DLG2: variants seen among roughly 807,000 people sequenced by gnomAD.
DLG2 encodes the protein discs large MAGUK scaffold protein 2, also known as disks large homolog 2.
In DLG2, 45 loss-of-function variants were observed where a neutral mutation model predicts 132.5. The observed-to-expected ratio is 0.34, with a 90% confidence interval of 0.27 to 0.44. The LOEUF is 0.44. DLG2 is among the 20% of genes least tolerant of loss of function. DLG2 has a pLI of 1.00. For missense variants in DLG2, 1,045 were observed against 1,196.9 expected (o/e 0.87, Z 1.87); for synonymous variants, 424 against 419.6 (o/e 1.01, Z -0.13).
chr11:84,828,198 A>T (rs2078585763), intron 6 of DLG2, among the ~76,000 whole-genome samples: 1 of 151,808 alleles, frequency 6.6e-6, no homozygotes. Context: ...AAGTGTCATT[A>T]GGTAAAACAG....
intron 11 of DLG2, among the ~76,000 whole-genome samples, chr11:84,052,422 C>T (rs549952405): frequency 6.6e-5 from 10 of 151,424 alleles, no homozygotes; most frequent in Admixed American, 2.6e-4. Flanking sequence ...TTTAAAGGAC[C>T]TCCCCCAAAT....
intron 6 of DLG2, among the ~76,000 whole-genome samples, chr11:84,894,761 G>A (rs1428406051): frequency 6.6e-6 from 1 of 152,116 alleles, no homozygotes; most frequent in Non-Finnish European, 1.5e-5. Context: ...TGCCTACTGG[G>A]ATAGAGATGG....
At chr11:83,941,317 T>A (rs534605174) in intron 14 of DLG2, among the ~76,000 whole-genome samples, 1 of 151,990 alleles carries the variant, frequency 6.6e-6, no homozygotes, top group African/African-American at 2.4e-5. Context: ...TACTCTGTAA[T>A]AAAATTTACT....
At chr11:84,737,586 G>A (rs941250907) in intron 6 of DLG2, among the ~76,000 whole-genome samples, 3 of 151,736 alleles carry the variant, frequency 2.0e-5, no homozygotes, top group South Asian at 2.1e-4. Flanking sequence ...TTAAGCAGGA[G>A]TGGGGGATGT....
chr11:84,581,677 G>A (rs2099516611), intron 6 of DLG2, among the ~76,000 whole-genome samples: 1 of 151,988 alleles, frequency 6.6e-6, no homozygotes, highest in Non-Finnish European at 1.5e-5. Flanking sequence ...GGGAGGCCGA[G>A]GTGGGCGGAT....
chr11:84,966,361 A>G (rs1197749211), intron 6 of DLG2, among the ~76,000 whole-genome samples: 3 of 152,104 alleles, frequency 2.0e-5, no homozygotes, highest in South Asian at 2.1e-4. Context: ...TCTTTCTCAC[A>G]TAATATGTTT....
chr11:83,478,106 G>GAGTT (rs2092769979), intron 22 of DLG2, among the ~76,000 whole-genome samples: 1 of 152,038 alleles, frequency 6.6e-6, no homozygotes, highest in Admixed American at 6.6e-5. Context: ...CTGAGATCTA[G>GAGTT]AGTTAGTTGA....
intron 16 of DLG2, among the ~76,000 whole-genome samples, chr11:83,868,668 T>A (rs375960962): frequency 2.2e-4 from 33 of 152,086 alleles, no homozygotes; most frequent in African/African-American, 8.0e-4. Context: ...CACTTAAATA[T>A]CTGTGATAAG....
chr11:85,577,033 G>A (rs1478947379), intron 3 of DLG2, among the ~76,000 whole-genome samples: 2 of 152,084 alleles, frequency 1.3e-5, no homozygotes, highest in Non-Finnish European at 2.9e-5. Flanking sequence ...GGCAATGGGG[G>A]GCATGTTAGT....
intron 7 of DLG2, among the ~76,000 whole-genome samples, chr11:84,434,306 A>G (rs2098994003): frequency 6.6e-6 from 1 of 152,216 alleles, no homozygotes; most frequent in African/African-American, 2.4e-5. Context: ...TTCTGTAAAC[A>G]TTATCACTTT....
At chr11:85,265,824 T>C (rs2077180236) in intron 4 of DLG2, among the ~76,000 whole-genome samples, 1 of 152,196 alleles carries the variant, frequency 6.6e-6, no homozygotes, top group Non-Finnish European at 1.5e-5. Flanking sequence ...GGCAGAGAGA[T>C]AACTTGACTT....
intron 3 of DLG2, among the ~76,000 whole-genome samples, chr11:85,455,525 T>G (rs549464049): frequency 6.6e-6 from 1 of 152,272 alleles, no homozygotes; most frequent in Admixed American, 6.5e-5. Flanking sequence ...TTCTTTCTCT[T>G]GCCTGACTCC....
chr11:83,734,007 T>C (rs1442420275), intron 18 of DLG2, among the ~76,000 whole-genome samples: 1 of 148,078 alleles, frequency 6.8e-6, no homozygotes, highest in African/African-American at 2.5e-5. Context: ...TACTTATCAG[T>C]GAGAACATGT....
chr11:84,150,999 TTCAG>T (rs554451284), intron 9 of DLG2, among the ~76,000 whole-genome samples: 217 of 152,288 alleles, frequency 1.4e-3, no homozygotes, highest in African/African-American at 5.0e-3. Context: ...TGCTGCTGGA[TTCAG>T]TTTGCTAGTA....
At chr11:84,732,402 A>G (rs1451679832) in intron 6 of DLG2, among the ~76,000 whole-genome samples, 1 of 151,936 alleles carries the variant, frequency 6.6e-6, no homozygotes, top group Non-Finnish European at 1.5e-5. Context: ...AGAATTCTAG[A>G]TCCTTCACAT....
intron 8 of DLG2, among the ~76,000 whole-genome samples, chr11:84,191,508 A>AAACAAACC (rs1487683276): frequency 6.6e-6 from 1 of 152,208 alleles, no homozygotes; most frequent in Admixed American, 6.5e-5. Flanking sequence ...TTCATTTGTT[A>AAACAAACC]AACAAACCTC....
intron 25 of DLG2, 32 bp downstream of exon 25, chr11:83,469,169 C>A: frequency 6.7e-7 from 1 of 1,489,872 alleles, no homozygotes; most frequent in South Asian, 1.4e-5. Flanking sequence ...AAACCTTCTT[C>A]AGGGGAGGTG....
chr11:84,711,031 T>TATATATATAG (rs200669410), intron 6 of DLG2, among the ~76,000 whole-genome samples: 1 of 124,830 alleles, frequency 8.0e-6, no homozygotes, highest in African/African-American at 3.7e-5. Context: ...TATATATATA[T>TATATATATAG]AGAGCTGAAA....
chr11:84,370,516 G>A (rs773981708), intron 7 of DLG2, among the ~76,000 whole-genome samples: 1 of 152,114 alleles, frequency 6.6e-6, no homozygotes, highest in Non-Finnish European at 1.5e-5. Flanking sequence ...TATCCACATA[G>A]GATTTTGGGG....
Sources: gnomAD v4.1 joint callset for allele counts (sites outside exome capture counted in the v4.1 genomes callset) on GRCh38, gnomAD v4.1.1 for gene constraint, MANE v1.5 for transcripts, NCBI Gene and HGNC (gene_info 2026-07-23, HGNC 2026-07-21) for gene names.